The following COL4A3 variants were observed in gnomAD, a reference collection of about 807,000 sequenced individuals.
COL4A3 encodes collagen type IV alpha 3 chain.
Under a neutral mutation model 217.4 loss-of-function variants are expected in COL4A3, and 135 were observed. That is an observed-to-expected ratio of 0.62 (90% CI 0.54 to 0.72). The LOEUF is 0.72. COL4A3 is among the 30% of genes least tolerant of loss of function. COL4A3 has a pLI of 0.00. For synonymous variants in COL4A3, 690 were observed against 736.3 expected, an observed-to-expected ratio of 0.94 and a Z score of 1.02; for missense variants, 1,868 against 2,119.9, an observed-to-expected ratio of 0.88 and a Z score of 2.33.
chr2:227,222,836 G>A (rs1343811430), intron 1 of COL4A3, among the ~76,000 whole-genome samples: 1 of 152,172 alleles, frequency 6.6e-6, no homozygotes. Context: ...CAGCCCCATG[G>A]GGGCCAATGG....
chr2:227,196,524 A>C (rs2066485423), intron 1 of COL4A3, among the ~76,000 whole-genome samples: 1 of 151,794 alleles, frequency 6.6e-6, no homozygotes, highest in Non-Finnish European at 1.5e-5. Context: ...TCACCGTGAT[A>C]GCCAGGATGG....
intron 1 of COL4A3, among the ~76,000 whole-genome samples, chr2:227,205,079 T>C (rs558327708): frequency 6.6e-6 from 1 of 152,220 alleles, no homozygotes. Flanking sequence ...GAGAGAAATG[T>C]AAATGTGGTT....
chr2:227,180,419 G>A (rs781276672), intron 1 of COL4A3, among the ~76,000 whole-genome samples: 6 of 152,116 alleles, frequency 3.9e-5, no homozygotes, highest in Admixed American at 1.3e-4. Flanking sequence ...GCTTCTACTC[G>A]CTGTGACCTG....
intron 9 of COL4A3, 111 bp downstream of exon 9, chr2:227,248,631 C>A: frequency 1.4e-6 from 1 of 715,836 alleles, no homozygotes; most frequent in Admixed American, 2.4e-5. Context: ...CTCTCACTCT[C>A]TTAAGAAGAT....
At position 227,203,545 on chromosome 2, in the gene COL4A3, G is replaced by C. The variant is rs1453524998; in HGVS notation, c.88-34423G>C. Among the ~76,000 whole-genome samples the C allele has an allele frequency of 7.2e-5, 2 of 27,906 alleles. 1 individual carries two copies. Among genetic ancestry groups the C allele is most frequent in the Non-Finnish European group, 1.2e-4 (2 of 16,738 alleles). The allele number at this position is 27,906 out of a possible 152,430, so 18.3% of individuals were successfully genotyped here. On this transcript the variant is annotated intron_variant, in intron 1 of 51. Coordinates refer to ENST00000396578, the MANE Select transcript of COL4A3 (RefSeq NM_000091.5). ...TATATGTGTATATATACATATATGT[G>C]TGTATATATGTGTATATATACATAT... is the stretch of plus-strand genomic sequence containing the variant.
intron 17 of COL4A3, among the ~76,000 whole-genome samples, chr2:227,257,001 T>C (rs1470727976): frequency 1.3e-5 from 2 of 152,200 alleles, no homozygotes; most frequent in Non-Finnish European, 2.9e-5. Flanking sequence ...CTGAATAATG[T>C]AGGCAATTGT....
chr2:227,203,244 C>T (rs1425181119), intron 1 of COL4A3, among the ~76,000 whole-genome samples: 1 of 16,686 alleles, frequency 6.0e-5, no homozygotes, highest in Non-Finnish European at 9.0e-5. Context: ...TGTATATATA[C>T]ATATATGTAT....
chr2:227,197,386 T>G (rs540110206), intron 1 of COL4A3, among the ~76,000 whole-genome samples: 13 of 152,274 alleles, frequency 8.5e-5, no homozygotes, highest in African/African-American at 2.4e-4. Flanking sequence ...TATGTCCTTA[T>G]CAGCAGCCTG....
At chr2:227,227,257 C>T (rs1375636203) in intron 1 of COL4A3, among the ~76,000 whole-genome samples, 1 of 152,172 alleles carries the variant, frequency 6.6e-6, no homozygotes, top group Non-Finnish European at 1.5e-5. Flanking sequence ...GGGGGAGAAA[C>T]ATACCCCTCC....
intron 1 of COL4A3, among the ~76,000 whole-genome samples, chr2:227,170,509 G>A (rs1045685111): frequency 2.0e-5 from 3 of 151,872 alleles, no homozygotes; most frequent in African/African-American, 7.3e-5. Context: ...AAATGAAAGG[G>A]GAAACCCCTT....
At chr2:227,293,630 C>G (rs1250287454) in intron 38 of COL4A3, 1 of 465,294 alleles carries the variant, frequency 2.1e-6, no homozygotes, top group Non-Finnish European at 4.3e-6. Context: ...TTAGTTTGTC[C>G]AGGCTTCCAT....
intron 43 of COL4A3, among the ~76,000 whole-genome samples, chr2:227,299,781 T>C (rs762459926): frequency 2.0e-5 from 3 of 152,162 alleles, no homozygotes; most frequent in Non-Finnish European, 4.4e-5. Context: ...CCTCCAAAAC[T>C]TTGGTCTGTA....
At chr2:227,294,167 T>C in intron 38 of COL4A3, 1 of 336,302 alleles carries the variant, frequency 3.0e-6, no homozygotes, top group South Asian at 2.9e-5. Context: ...ATTCAGGTCT[T>C]ACTTAAATAC....
chr2:227,263,423 C>T (rs373204387), intron 20 of COL4A3, among the ~76,000 whole-genome samples: 11 of 152,154 alleles, frequency 7.2e-5, no homozygotes, highest in Non-Finnish European at 1.2e-4. Flanking sequence ...TCTCATTTTG[C>T]GCACTGGGGG....
Position 227,170,296 on chromosome 2 carries a change from C to A in COL4A3, c.87+5483C>A, listed in dbSNP as rs1286495003. On this transcript the variant is annotated intron_variant, in intron 1 of 51. Coordinates refer to ENST00000396578, the MANE Select transcript of COL4A3 (RefSeq NM_000091.5). ...TTTTCTTCCTTTCTAATCTTTATGC[C>A]TTTTTTCCCTTGTATTACTGTGCTG... Among the ~76,000 whole-genome samples, 4 of 151,984 alleles carry A rather than the reference C, an allele frequency of 2.6e-5. No individual in the cohort carries two copies. In the East Asian group the frequency reaches 7.7e-4, roughly 29 times the overall value.
At chr2:227,309,911 G>T (rs905734835) in intron 50 of COL4A3, among the ~76,000 whole-genome samples, 62 of 152,266 alleles carry the variant, frequency 4.1e-4, no homozygotes, top group Admixed American at 1.1e-3. Flanking sequence ...ACAGGCATGA[G>T]TCACTGCACC....
At chr2:227,266,778 A>C (rs969096128) in intron 22 of COL4A3, among the ~76,000 whole-genome samples, 3 of 152,234 alleles carry the variant, frequency 2.0e-5, no homozygotes, top group African/African-American at 7.2e-5. Context: ...AGACTTTTGG[A>C]ATTTCCCCTT....
rs1434500876 is a variant in COL4A3 at position 227,282,937 on chromosome 2, T to C, written c.2656+405T>C. Reference sequence around the variant, plus strand: ...CTCTTGTATTTTCTGGAACAGTTTGTGAAGAATCGACGCTCTTTAAACATT... The same window carrying C: ...CTCTTGTATTTTCTGGAACAGTTTGCGAAGAATCGACGCTCTTTAAACATT... On this transcript the variant is annotated intron_variant, in intron 32 of 51. Transcript: ENST00000396578. This position sits in a 1 kb window ranked among gnomAD's most constrained non-coding sequence, Gnocchi z 4.4. 2.0e-5 allele frequency among the ~76,000 whole-genome samples: 3 copies of C among 152,210 alleles called. No individual in the cohort carries two copies. Among genetic ancestry groups the C allele is most frequent in the Admixed American group, 6.5e-5 (1 of 15,276 alleles).
intron 11 of COL4A3, among the ~76,000 whole-genome samples, chr2:227,251,768 T>C (rs187577937): frequency 8.5e-5 from 13 of 152,260 alleles, no homozygotes; most frequent in African/African-American, 2.4e-4. Flanking sequence ...GGGTCTTGCA[T>C]GCATTTCTGT....
Sources: allele counts gnomAD v4.1 joint callset (sites outside exome capture counted in the v4.1 genomes callset), GRCh38; gene constraint gnomAD v4.1.1; non-coding constraint Gnocchi (gnomAD v3.1); transcripts MANE v1.5; gene names NCBI Gene and HGNC (gene_info 2026-07-23, HGNC 2026-07-21).